GRM1: variants seen among roughly 807,000 people sequenced by gnomAD.
GRM1 encodes the protein glutamate metabotropic receptor 1, also known as metabotropic glutamate receptor 1.
GRM1 carries 33 observed loss-of-function variants against 90.9 expected under a neutral mutation model. That is an observed-to-expected ratio of 0.36 (90% CI 0.28 to 0.49). The LOEUF (loss-of-function observed/expected upper bound fraction) is 0.49. Ranked by LOEUF, GRM1 falls within the 20% of genes least tolerant of loss-of-function variation. The pLI is 0.99. For synonymous variants in GRM1, 700 were observed against 613.2 expected, an observed-to-expected ratio of 1.14 and a Z score of -2.09; for missense variants, 1,190 against 1,534.3, an observed-to-expected ratio of 0.78 and a Z score of 3.75.
intron 2 of GRM1, among the ~76,000 whole-genome samples, chr6:146,241,415 A>G (rs1276540233): frequency 6.6e-6 from 1 of 152,134 alleles, no homozygotes; most frequent in Non-Finnish European, 1.5e-5. Flanking sequence ...ATTTCTTAAA[A>G]GGGAATAATA....
intron 1 of GRM1, among the ~76,000 whole-genome samples, chr6:146,045,152 G>T (rs1435144147): frequency 6.6e-6 from 1 of 151,930 alleles, no homozygotes; most frequent in Non-Finnish European, 1.5e-5. Context: ...ATGTTTAAGA[G>T]AAATGTTGTT....
At chr6:146,097,720 C>A (rs992910171) in intron 1 of GRM1, among the ~76,000 whole-genome samples, 3 of 152,320 alleles carry the variant, frequency 2.0e-5, no homozygotes, top group South Asian at 2.1e-4. Flanking sequence ...CCTCTGCTAT[C>A]GCAGTTTCCT....
At chr6:146,373,546 C>T (rs142737044) in intron 5 of GRM1, among the ~76,000 whole-genome samples, 102 of 152,200 alleles carry the variant, frequency 6.7e-4, no homozygotes, top group African/African-American at 2.3e-3. Flanking sequence ...ACCCCTTCTG[C>T]CACACTGGGG....
intron 2 of GRM1, among the ~76,000 whole-genome samples, chr6:146,202,334 C>G (rs1366282216): frequency 6.6e-6 from 1 of 152,084 alleles, no homozygotes. Context: ...CTCTAATTAG[C>G]AGTGGGATCT....
At chr6:146,377,454 G>A (rs2328741) in intron 5 of GRM1, among the ~76,000 whole-genome samples, 66,168 of 151,918 alleles carry the variant, frequency 0.44, 14,554 homozygotes, top group African/African-American at 0.5. Context: ...GACTGGTGGC[G>A]TTATGTCCTT....
intron 1 of GRM1, among the ~76,000 whole-genome samples, chr6:146,070,000 A>G (rs1488137013): frequency 6.6e-6 from 1 of 152,168 alleles, no homozygotes; most frequent in Admixed American, 6.5e-5. Context: ...ATCTCCCATA[A>G]TAAATACCCC....
At chr6:146,270,913 C>CTTTCTTTCT (rs1562571282) in intron 2 of GRM1, among the ~76,000 whole-genome samples, 6 of 71,660 alleles carry the variant, frequency 8.4e-5, no homozygotes, top group African/African-American at 3.9e-4. Flanking sequence ...TTCTTTCTTT[C>CTTTCTTTCT]TTCCTTCCTT....
At chr6:146,170,608 G>A (rs572464705) in intron 2 of GRM1, among the ~76,000 whole-genome samples, 2 of 151,864 alleles carry the variant, frequency 1.3e-5, no homozygotes, top group African/African-American at 4.8e-5. Flanking sequence ...AATTAATTTT[G>A]GTCCTTGTTT....
At chr6:146,074,816 A>C (rs543463312) in intron 1 of GRM1, among the ~76,000 whole-genome samples, 1 of 152,290 alleles carries the variant, frequency 6.6e-6, no homozygotes, top group East Asian at 1.9e-4. Flanking sequence ...TTACTTTCAC[A>C]TAACAGTTTA....
rs1432411014 is a variant in GRM1 at position 146,435,607 on chromosome 6, C to T, written c.*811C>T. On this transcript the variant is annotated 3_prime_UTR_variant, in exon 8 of 8. Coordinates refer to ENST00000282753, the MANE Select transcript of GRM1 (RefSeq NM_001278064.2). ...AGGAGCTAGAAATAGAACAATCCAT[C>T]AGCATGAGACTTTGAAAAAAAAACA... The T allele has an allele frequency of 6.6e-6, 1 of 152,458 alleles. No homozygotes were observed. Among genetic ancestry groups the T allele is most frequent in the Non-Finnish European group, 1.5e-5 (1 of 68,030 alleles). The allele number at this position is 152,458 out of a possible 1,614,324, so 9.4% of individuals were successfully genotyped here.
At chr6:146,318,911 T>C (rs1235167763) in intron 3 of GRM1, among the ~76,000 whole-genome samples, 1 of 152,214 alleles carries the variant, frequency 6.6e-6, no homozygotes, top group African/African-American at 2.4e-5. Flanking sequence ...CTTTGTCAGA[T>C]GGATAGGTTA....
rs377413746 is a variant in GRM1, at chr6:146,434,609, C to T, written c.3398C>T (p.Ala1133Val). The part of the protein sequence containing the change: ...ELEEEEEDLQ[A>V]ASKLTPDDSP... Reference sequence around the variant, plus strand: ...GAAGAGGAGGAGGAGGACCTGCAGGCGGCCAGCAAACTGACCCCGGATGAT... The same window carrying T: ...GAAGAGGAGGAGGAGGACCTGCAGGTGGCCAGCAAACTGACCCCGGATGAT... Residue 1133 changes from alanine to valine, a missense_variant, in exon 8 of 8, where the codon GCG becomes GTG. By Grantham distance (64) the Ala-to-Val change is moderately conservative. Around this residue, in one of 10 missense-constraint regions of GRM1, gnomAD observed 400 missense variants for 360.8 expected, o/e 1.11. Transcript: ENST00000282753. The T allele has an allele frequency of 8.1e-6, 13 of 1,613,028 alleles. 1 individual carries two copies. The South Asian group carries it at 9.9e-5, about 12-fold the overall frequency.
intron 7 of GRM1, among the ~76,000 whole-genome samples, chr6:146,409,149 A>G (rs1221779811): frequency 6.6e-6 from 1 of 152,162 alleles, no homozygotes; most frequent in Non-Finnish European, 1.5e-5. Flanking sequence ...CAGAGTGGAA[A>G]GGCTCCAGGT....
Position 146,359,352 on chromosome 6 carries a change from A to G in GRM1, c.1602+1658A>G, listed in dbSNP as rs905879165. On this transcript the variant is annotated intron_variant, in intron 5 of 7. Coordinates refer to ENST00000282753, the MANE Select transcript of GRM1 (RefSeq NM_001278064.2). ...ACAGGATTATCTGTGGACTGAAGTC[A>G]TAAGGTGGGGAGAGGACAGAAGCCC... Among the ~76,000 whole-genome samples, 4 of 152,286 alleles carry G rather than the reference A, an allele frequency of 2.6e-5. No individual in the cohort carries two copies. In the South Asian group the frequency reaches 6.2e-4, roughly 24 times the overall value.
At chr6:146,270,889 CT>C in intron 2 of GRM1, among the ~76,000 whole-genome samples, 17 of 107,440 alleles carry the variant, frequency 1.6e-4, no homozygotes, top group African/African-American at 7.3e-4. Context: ...TTCTTTCTTT[CT>C]TTCTTTCTTT....
At chr6:146,255,305 A>G (rs1414214901) in intron 2 of GRM1, among the ~76,000 whole-genome samples, 4 of 152,124 alleles carry the variant, frequency 2.6e-5, no homozygotes, top group Non-Finnish European at 4.4e-5. Flanking sequence ...TTTATTTTTT[A>G]TTTTAGTTAG....
intron 5 of GRM1, among the ~76,000 whole-genome samples, chr6:146,379,738 T>C (rs1776249613): frequency 6.6e-6 from 1 of 152,106 alleles, no homozygotes; most frequent in Admixed American, 6.6e-5. Context: ...TTTCCAGATA[T>C]TTGAAAGAAC....
At chr6:146,075,683 A>G (rs1179185192) in intron 1 of GRM1, among the ~76,000 whole-genome samples, 1 of 152,226 alleles carries the variant, frequency 6.6e-6, no homozygotes, top group Non-Finnish European at 1.5e-5. Context: ...GAAGTCTGAA[A>G]TAAAGGTGTC....
At chr6:146,133,572 T>C (rs1191959333) in intron 1 of GRM1, among the ~76,000 whole-genome samples, 1 of 152,232 alleles carries the variant, frequency 6.6e-6, no homozygotes, top group Non-Finnish European at 1.5e-5. Context: ...TCCTTGCCCA[T>C]CTTTTTCCCT....
Sources: allele counts gnomAD v4.1 joint callset (sites outside exome capture counted in the v4.1 genomes callset), GRCh38; gene constraint gnomAD v4.1.1; regional missense constraint gnomAD v4.1.1; transcripts MANE v1.5; gene names NCBI Gene and HGNC (gene_info 2026-07-23, HGNC 2026-07-21).